The following CAV1 variants were observed in gnomAD, a reference collection of about 807,000 sequenced individuals.
CAV1 encodes the protein caveolin 1.
A neutral mutation model predicts 16.5 loss-of-function variants in CAV1; 10 were observed. The ratio of observed to expected loss-of-function variants is 0.61; its 90% CI spans 0.37 to 1.03. The LOEUF is 1.03. Among genes scored for constraint, CAV1 ranks in the 50% least tolerant of loss-of-function variants. CAV1 has a pLI of 0.01. For missense variants in CAV1, 212 were observed against 232.8 expected (o/e 0.91, Z 0.58); for synonymous variants, 76 against 85.1 (o/e 0.89, Z 0.59).
At chr7:116,552,861 C>T (rs909417290) in intron 2 of CAV1, among the ~76,000 whole-genome samples, 3 of 152,320 alleles carry the variant, frequency 2.0e-5, no homozygotes, top group Non-Finnish European at 4.4e-5. Context: ...TCTAAACCAA[C>T]TGTGACTCAT....
In CAV1 at chr7:116,535,205, GC is replaced by G. The variant is rs567535243; in HGVS notation, c.195+8518del. Among the ~76,000 whole-genome samples, 265 of 152,314 alleles carry G rather than the reference GC, an allele frequency of 1.7e-3. 1 individual carries two copies. The highest frequency in any genetic ancestry group is 6.1e-3 in the African/African-American group (253 of 41,574). On this transcript the variant is annotated intron_variant, in intron 2 of 2. Transcript: ENST00000341049. The stretch of plus-strand genomic sequence containing the variant: ...TATTGTCACAAATGAATTGGCAATG[GC>G]CTGTCTCTGATTCTTATACCTGGAA...
chr7:116,549,518 A>G (rs537354489), intron 2 of CAV1, among the ~76,000 whole-genome samples: 85 of 152,310 alleles, frequency 5.6e-4, no homozygotes, highest in African/African-American at 1.8e-3. Flanking sequence ...ATGGTGAATA[A>G]GAAAATCATT....
intron 2 of CAV1, among the ~76,000 whole-genome samples, chr7:116,532,438 T>C (rs1293139443): frequency 6.6e-6 from 1 of 152,146 alleles, no homozygotes; most frequent in Non-Finnish European, 1.5e-5. Flanking sequence ...ACCTGCGGGG[T>C]TGGACCTTCC....
At chr7:116,530,366 T>C (rs538695031) in intron 2 of CAV1, among the ~76,000 whole-genome samples, 6 of 152,270 alleles carry the variant, frequency 3.9e-5, no homozygotes, top group African/African-American at 1.2e-4. Context: ...AGCCTTCTCA[T>C]CATTTTGGAA....
intron 2 of CAV1, among the ~76,000 whole-genome samples, chr7:116,537,428 C>A (rs906972468): frequency 6.6e-6 from 1 of 152,070 alleles, no homozygotes; most frequent in African/African-American, 2.4e-5. Context: ...TTTACTGACA[C>A]CTCCAATGGC....
At chr7:116,525,208 G>A in intron 1 of CAV1, 116 bp downstream of exon 1, 1 of 1,613,294 alleles carries the variant, frequency 6.2e-7, no homozygotes, top group Non-Finnish European at 8.5e-7. Flanking sequence ...CCACTTCGGA[G>A]CACTCCTCTG....
At chr7:116,550,356 C>T (rs975951917) in intron 2 of CAV1, among the ~76,000 whole-genome samples, 5 of 152,146 alleles carry the variant, frequency 3.3e-5, no homozygotes, top group African/African-American at 9.7e-5. Context: ...AGAGTCAATA[C>T]TCCTACCAGA....
chr7:116,554,699 G>T (rs1181135233), intron 2 of CAV1, among the ~76,000 whole-genome samples: 1 of 152,082 alleles, frequency 6.6e-6, no homozygotes, highest in East Asian at 1.9e-4. Context: ...AATGCAATCA[G>T]TACCAATAAT....
intron 2 of CAV1, among the ~76,000 whole-genome samples, chr7:116,549,024 AAC>A (rs1367612574): frequency 1.3e-5 from 2 of 152,148 alleles, no homozygotes; most frequent in African/African-American, 4.8e-5. Flanking sequence ...CAGAAAAGAA[AAC>A]ACAGTCACCT....
chr7:116,539,404 C>G (rs959940756), intron 2 of CAV1, among the ~76,000 whole-genome samples: 1 of 152,088 alleles, frequency 6.6e-6, no homozygotes, highest in Admixed American at 6.6e-5. Flanking sequence ...AAAATAGATG[C>G]TGAATTCAGT....
rs546201469 is a variant in CAV1 at position 116,539,904 on chromosome 7, C to A, written c.195+13215C>A. Reference sequence around the variant, plus strand: ...GTGGGTCTCTGGCTACAGGAGAAGTCCCCTGGCAAGGGAGGGGTGAAAGGA... The same window carrying A: ...GTGGGTCTCTGGCTACAGGAGAAGTACCCTGGCAAGGGAGGGGTGAAAGGA... On this transcript the variant is annotated intron_variant, in intron 2 of 2. Transcript: ENST00000341049. 2.0e-5 allele frequency among the ~76,000 whole-genome samples: 3 copies of A among 152,232 alleles called. No individual in the cohort carries two copies. In the East Asian group the frequency reaches 5.8e-4, roughly 29 times the overall value.
chr7:116,550,730 A>T (rs1794142608), intron 2 of CAV1, among the ~76,000 whole-genome samples: 1 of 152,232 alleles, frequency 6.6e-6, no homozygotes, highest in Non-Finnish European at 1.5e-5. Context: ...ACTGGGTTTG[A>T]CACGTACATT....
intron 2 of CAV1, among the ~76,000 whole-genome samples, chr7:116,546,761 A>T (rs183307122): frequency 6.6e-6 from 1 of 151,944 alleles, no homozygotes; most frequent in East Asian, 1.9e-4. Context: ...AGAAATCCCA[A>T]ATCCTATCCC....
intron 2 of CAV1, among the ~76,000 whole-genome samples, chr7:116,545,650 G>A (rs1794030432): frequency 1.3e-5 from 2 of 152,214 alleles, no homozygotes; most frequent in African/African-American, 4.8e-5. Context: ...CCTCTACCGT[G>A]AGGAAGTGTA....
At chr7:116,549,214 G>A (rs1490664111) in intron 2 of CAV1, among the ~76,000 whole-genome samples, 3 of 152,174 alleles carry the variant, frequency 2.0e-5, no homozygotes, top group African/African-American at 4.8e-5. Context: ...GCAGGGCTGG[G>A]CCTGGGCTGC....
intron 2 of CAV1, among the ~76,000 whole-genome samples, chr7:116,555,012 G>T (rs1023960727): frequency 6.6e-6 from 1 of 152,188 alleles, no homozygotes; most frequent in South Asian, 2.1e-4. Flanking sequence ...TGGGAATAAT[G>T]ACATGCACTT....
chr7:116,526,619 A>G lies in CAV1; in HGVS notation c.125A>G (p.Tyr42Cys). ...MADELSEKQV[Y>C]DAHTKEIDLV... ...GACGAGCTGAGCGAGAAGCAAGTGT[A>G]CGACGCGCACACCAAGGAGATCGAC... The change falls in exon 2 of 3, where the codon TAC becomes TGC. Residue 42 changes from tyrosine (Y) to cysteine (C), a missense_variant. Tyr to Cys is a radical substitution (Grantham distance 194). Transcript: ENST00000341049. The G allele has an allele frequency of 2.5e-6, 4 of 1,614,144 alleles. No individual in the cohort carries two copies. The highest frequency in any genetic ancestry group is 3.4e-6 in the Non-Finnish European group (4 of 1,180,000).
chr7:116,530,208 C>CTCTTTTTTTTTTTTTTTTT (rs370865342), intron 2 of CAV1, among the ~76,000 whole-genome samples: 14 of 125,356 alleles, frequency 1.1e-4, no homozygotes, highest in African/African-American at 3.9e-4. Flanking sequence ...GTCCTTTTTC[C>CTCTTTTTTTTTTTTTTTTT]TTTTTTTTTT....
At chr7:116,556,485 A>C (rs1794297090) in intron 2 of CAV1, among the ~76,000 whole-genome samples, 1 of 152,226 alleles carries the variant, frequency 6.6e-6, no homozygotes, top group Admixed American at 6.5e-5. Context: ...TTAAGCCTCA[A>C]ATCTACCTCT....
Sources: gnomAD v4.1 joint callset for allele counts (sites outside exome capture counted in the v4.1 genomes callset) on GRCh38, gnomAD v4.1.1 for gene constraint, MANE v1.5 for transcripts, NCBI Gene and HGNC (gene_info 2026-07-23, HGNC 2026-07-21) for gene names.